ATXN1: variants seen among roughly 807,000 people sequenced by gnomAD.
The protein encoded by ATXN1 is ataxin-1.
ATXN1 carries 8 observed loss-of-function variants against 56.4 expected under a neutral mutation model. The observed-to-expected ratio is 0.14, with a 90% confidence interval of 0.08 to 0.26. The LOEUF is 0.26. ATXN1 is among the 10% of genes least tolerant of loss of function. The pLI is 1.00. For missense variants in ATXN1, 987 were observed against 1,106.5 expected, an observed-to-expected ratio of 0.89 and a Z score of 1.53; for synonymous variants, 514 against 494.6, an observed-to-expected ratio of 1.04 and a Z score of -0.52.
At position 16,422,184 on chromosome 6, in the gene ATXN1, G is replaced by A. The variant is rs548688030; in HGVS notation, c.-161+63788C>T. Among the ~76,000 whole-genome samples the A allele has an allele frequency of 4.6e-5, 7 of 152,150 alleles. No homozygotes were observed. In the South Asian group the frequency reaches 8.3e-4, roughly 18 times the overall value. ...GGGCCACATATTTTGAGGTTTCAGA[G>A]ACAGTGAGGTAGATTCTGCCTTGAG... On this transcript the variant is annotated intron_variant, in intron 6 of 7. Transcript: ENST00000436367.
chr6:16,661,660 TG>T (rs374524251), intron 2 of ATXN1, among the ~76,000 whole-genome samples: 190 of 152,296 alleles, frequency 1.2e-3, no homozygotes, highest in African/African-American at 4.2e-3. Context: ...TTTCCAAGAC[TG>T]GGTTACATGA....
intron 2 of ATXN1, among the ~76,000 whole-genome samples, chr6:16,697,904 A>G (rs1759200412): frequency 6.6e-6 from 1 of 152,162 alleles, no homozygotes. Context: ...AAGCTGCCCC[A>G]TCGACTAGGA....
chr6:16,525,401 T>C (rs1301734700), intron 4 of ATXN1, among the ~76,000 whole-genome samples: 1 of 152,220 alleles, frequency 6.6e-6, no homozygotes, highest in African/African-American at 2.4e-5. Flanking sequence ...ATCATTATGT[T>C]AAGTGAAAAA....
chr6:16,597,118 A>C (rs1272479661), intron 3 of ATXN1, among the ~76,000 whole-genome samples: 1 of 152,226 alleles, frequency 6.6e-6, no homozygotes, highest in Non-Finnish European at 1.5e-5. Flanking sequence ...GCTCTGCCGC[A>C]GCCTCCCAGG....
rs563790490 is a variant in ATXN1, at chr6:16,506,868, C to T, written c.-299+15759G>A. On this transcript the variant is annotated intron_variant, in intron 5 of 7. Transcript: ENST00000436367. This position sits in a 1 kb window ranked among gnomAD's most constrained non-coding sequence, Gnocchi z 4.1. ...AATGATTATTGATAACATCATTCAA[C>T]GCCATGTAATGAGTTGACACCACTG... 3.9e-5 allele frequency among the ~76,000 whole-genome samples: 6 copies of T among 152,244 alleles called. No homozygotes were observed. In the South Asian group the frequency reaches 1.0e-3, roughly 26 times the overall value.
intron 2 of ATXN1, among the ~76,000 whole-genome samples, chr6:16,743,641 G>A (rs1288903921): frequency 6.6e-6 from 1 of 152,158 alleles, no homozygotes; most frequent in East Asian, 1.9e-4. Context: ...TATTATACAA[G>A]GGGAAGAATG....
At chr6:16,689,781 T>C (rs970411492) in intron 2 of ATXN1, among the ~76,000 whole-genome samples, 1 of 152,162 alleles carries the variant, frequency 6.6e-6, no homozygotes, top group Non-Finnish European at 1.5e-5. Flanking sequence ...CGTATTCTTT[T>C]AGCAATCTTG....
At chr6:16,456,274 T>C (rs2113619494) in intron 6 of ATXN1, among the ~76,000 whole-genome samples, 1 of 152,300 alleles carries the variant, frequency 6.6e-6, no homozygotes, top group South Asian at 2.1e-4. Context: ...TCCCAGATAT[T>C]GCAACGTGGT....
chr6:16,384,130 G>A (rs890103474), intron 6 of ATXN1, among the ~76,000 whole-genome samples: 3 of 152,168 alleles, frequency 2.0e-5, no homozygotes, highest in African/African-American at 7.2e-5. Flanking sequence ...CAGTTTGGAT[G>A]GCAAGATTAT....
intron 6 of ATXN1, among the ~76,000 whole-genome samples, chr6:16,395,430 G>A (rs1037514201): frequency 2.0e-5 from 3 of 152,000 alleles, no homozygotes; most frequent in South Asian, 2.1e-4. Context: ...GGTCAGCCGC[G>A]GATTGCATAT....
In ATXN1 at chr6:16,616,372, T is replaced by C. The variant is rs1763208752; in HGVS notation, c.-488-30465A>G. 3.3e-5 allele frequency among the ~76,000 whole-genome samples: 5 copies of C among 151,294 alleles called. No individual in the cohort carries two copies. In the South Asian group the frequency reaches 1.0e-3, roughly 31 times the overall value. On this transcript the variant is annotated intron_variant, in intron 3 of 7. Transcript: ENST00000436367. Reference sequence around the variant, plus strand: ...CTGGCTAACATGGTGAAACCCTGTCTCTACTAAAAATACAAAAATTAGCCA... The same window carrying C: ...CTGGCTAACATGGTGAAACCCTGTCCCTACTAAAAATACAAAAATTAGCCA...
chr6:16,370,251 A>G (rs1762011614), intron 6 of ATXN1, among the ~76,000 whole-genome samples: 1 of 152,140 alleles, frequency 6.6e-6, no homozygotes, highest in African/African-American at 2.4e-5. Context: ...GTTGAGAGGA[A>G]TTGTTCTTTC....
chr6:16,749,909 G>A (rs1270279087), intron 2 of ATXN1: 1 of 152,290 alleles, frequency 6.6e-6, no homozygotes, highest in Non-Finnish European at 1.5e-5. Flanking sequence ...CTGTCTGCTC[G>A]AATCCAGAAA....
At chr6:16,540,923 AAT>A (rs1375931446) in intron 4 of ATXN1, among the ~76,000 whole-genome samples, 1 of 152,190 alleles carries the variant, frequency 6.6e-6, no homozygotes, top group African/African-American at 2.4e-5. Flanking sequence ...ACAGGCTGAG[AAT>A]ATATGACTAA....
intron 3 of ATXN1, among the ~76,000 whole-genome samples, chr6:16,631,121 G>C (rs562249604): frequency 6.6e-6 from 1 of 152,314 alleles, no homozygotes; most frequent in South Asian, 2.1e-4. Context: ...AGTCCTGTGA[G>C]GCAGGATTAT....
At chr6:16,758,947 TTC>T (rs1760973514) in intron 1 of ATXN1, among the ~76,000 whole-genome samples, 1 of 152,230 alleles carries the variant, frequency 6.6e-6, no homozygotes, top group South Asian at 2.1e-4. Flanking sequence ...GGATTTTCTC[TTC>T]TCTCTGGTGG....
In ATXN1 at chr6:16,327,681, C is replaced by CTGA. The variant is rs751377396; in HGVS notation, c.627_629dup (p.His209dup). ...GCTGCTGCTGCTGCTGCTGCTGATG[C>CTGA]TGATGCTGCTGCTGCTGCTGCTGCT... On this transcript the variant is annotated inframe_insertion, in exon 7 of 8. Coordinates refer to ENST00000436367, the MANE Select transcript of ATXN1 (RefSeq NM_001128164.2). 2.7e-5 allele frequency: 38 copies of CTGA among 1,431,598 alleles called. No individual in the cohort carries two copies. Among genetic ancestry groups the CTGA allele is most frequent in the Admixed American group, 8.5e-5 (4 of 47,230 alleles). 88.7% of individuals were successfully genotyped at this position (1,431,598 alleles called of 1,614,324 possible). A position where few individuals can be genotyped will look rare whatever the true frequency, so the allele number is the denominator to read the frequency against.
At chr6:16,512,267 A>G (rs1046367584) in intron 5 of ATXN1, among the ~76,000 whole-genome samples, 13 of 152,362 alleles carry the variant, frequency 8.5e-5, no homozygotes, top group African/African-American at 3.1e-4. Context: ...GTATCCGTAA[A>G]TAACTCCTAC....
At chr6:16,384,673 C>A (rs1758201347) in intron 6 of ATXN1, among the ~76,000 whole-genome samples, 1 of 152,202 alleles carries the variant, frequency 6.6e-6, no homozygotes, top group Non-Finnish European at 1.5e-5. Context: ...ATAGTGAGTT[C>A]TCATGAGATC....
Sources: gnomAD v4.1 joint callset for allele counts (sites outside exome capture counted in the v4.1 genomes callset) on GRCh38, gnomAD v4.1.1 for gene constraint, Gnocchi (gnomAD v3.1) non-coding constraint, MANE v1.5 for transcripts, NCBI Gene and HGNC (gene_info 2026-07-23, HGNC 2026-07-21) for gene names.